The following PDE4D variants were observed in gnomAD, a reference collection of about 807,000 sequenced individuals.
PDE4D encodes phosphodiesterase 4D, also known as 3',5'-cyclic-AMP phosphodiesterase 4D.
In PDE4D, 24 loss-of-function variants were observed where a neutral mutation model predicts 87.4. The ratio of observed to expected loss-of-function variants is 0.27; its 90% confidence interval spans 0.20 to 0.39. The LOEUF is 0.39. PDE4D is among the 10% of genes least tolerant of loss of function. PDE4D has a pLI of 1.00. For missense variants in PDE4D, 714 were observed against 1,041.0 expected (o/e 0.69, Z 4.32); for synonymous variants, 384 against 383.2 (o/e 1.00, Z -0.02).
At chr5:59,412,517 C>T (rs886802073) in intron 1 of PDE4D, among the ~76,000 whole-genome samples, 2 of 152,166 alleles carry the variant, frequency 1.3e-5, no homozygotes, top group South Asian at 2.1e-4. Flanking sequence ...CATGGCACGG[C>T]TCCCAACAAT....
At chr5:59,232,320 A>G (rs1392375252) in intron 1 of PDE4D, among the ~76,000 whole-genome samples, 1 of 152,162 alleles carries the variant, frequency 6.6e-6, no homozygotes, top group East Asian at 1.9e-4. Context: ...AGTTAACAGC[A>G]AAAACAAAAC....
rs538906831 is a variant in PDE4D, at chr5:59,811,340, C to G, written c.455+81828G>C. On this transcript the variant is annotated intron_variant, in intron 1 of 14. Transcript: ENST00000340635. ...CCAAGCTACTTTTCCCACCTCTGTT[C>G]AATTGATTTCGGAAAGAGATGCACA... 6.6e-5 allele frequency among the ~76,000 whole-genome samples: 10 copies of G among 152,308 alleles called. No homozygotes were observed. The South Asian group carries it at 2.1e-3, about 32-fold the overall frequency.
At chr5:59,178,714 C>T (rs1410069667) in intron 5 of PDE4D, among the ~76,000 whole-genome samples, 1 of 152,172 alleles carries the variant, frequency 6.6e-6, no homozygotes, top group Non-Finnish European at 1.5e-5. Flanking sequence ...GAATGCTGCT[C>T]CACCTGTGAG....
intron 2 of PDE4D, among the ~76,000 whole-genome samples, chr5:60,179,265 T>C (rs1055707306): frequency 6.6e-6 from 1 of 152,100 alleles, no homozygotes; most frequent in African/African-American, 2.4e-5. Context: ...TTCTTGGCCT[T>C]GCTGTCATGG....
chr5:59,751,611 G>GTGTGTGTGTGTGT (rs59328183), intron 1 of PDE4D, among the ~76,000 whole-genome samples: 2 of 144,214 alleles, frequency 1.4e-5, no homozygotes, highest in African/African-American at 5.3e-5. Flanking sequence ...GTGTGTGTGT[G>GTGTGTGTGTGTGT]ATGTGAGAGC....
intron 2 of PDE4D, among the ~76,000 whole-genome samples, chr5:59,991,699 A>G (rs1763021925): frequency 6.6e-6 from 1 of 152,148 alleles, no homozygotes; most frequent in African/African-American, 2.4e-5. Context: ...AAAAAACAGA[A>G]AGCATATGCA....
intron 1 of PDE4D, among the ~76,000 whole-genome samples, chr5:59,621,955 T>C (rs1830396698): frequency 6.6e-6 from 1 of 152,226 alleles, no homozygotes; most frequent in African/African-American, 2.4e-5. Context: ...TCAGTATATT[T>C]ATACGTTATA....
intron 3 of PDE4D, among the ~76,000 whole-genome samples, chr5:59,916,610 A>G (rs1033457410): frequency 4.6e-5 from 7 of 152,204 alleles, no homozygotes; most frequent in African/African-American, 1.7e-4. Flanking sequence ...TTTAAAACCT[A>G]CTTAAAACAC....
intron 1 of PDE4D, among the ~76,000 whole-genome samples, chr5:60,243,199 C>T (rs546262298): frequency 6.6e-6 from 1 of 151,914 alleles, no homozygotes; most frequent in Admixed American, 6.6e-5. Context: ...CAACTAAATC[C>T]CAGTAAATTA....
chr5:60,026,623 A>G (rs900259708), intron 2 of PDE4D, among the ~76,000 whole-genome samples: 3 of 152,160 alleles, frequency 2.0e-5, no homozygotes, highest in African/African-American at 4.8e-5. Flanking sequence ...TCTTTTGCTC[A>G]TCACTTTCAA....
rs116231795 is a variant in PDE4D at position 59,579,298 on chromosome 5, C to T, written c.455+313870G>A. ...TCCAAGGCAGGACTCTTATTACATTCATCTGGGCATCCCCTATGAATAAAT... is the reference window on the plus strand; with the variant it reads ...TCCAAGGCAGGACTCTTATTACATTTATCTGGGCATCCCCTATGAATAAAT... On this transcript the variant is annotated intron_variant, in intron 1 of 14. Transcript: ENST00000340635. 3.7e-3 allele frequency among the ~76,000 whole-genome samples: 563 copies of T among 152,286 alleles called. 7 individuals carry two copies. The highest frequency in any genetic ancestry group is 0.013 in the African/African-American group (537 of 41,558).
At chr5:60,315,497 C>A (rs1755482947) in intron 1 of PDE4D, among the ~76,000 whole-genome samples, 1 of 152,086 alleles carries the variant, frequency 6.6e-6, no homozygotes, top group South Asian at 2.1e-4. Flanking sequence ...TTAACTAGAT[C>A]CCATTTGTCA....
intron 1 of PDE4D, among the ~76,000 whole-genome samples, chr5:59,616,932 T>TATTATGTAATATATATATATATGTA (rs2150092445): frequency 7.7e-6 from 1 of 129,278 alleles, no homozygotes; most frequent in Admixed American, 7.7e-5. Context: ...TATATATATA[T>TATTATGTAATATATATATATATGTA]ATATATATAT....
chr5:59,196,683 T>C (rs1367894563), intron 2 of PDE4D, among the ~76,000 whole-genome samples: 1 of 152,152 alleles, frequency 6.6e-6, no homozygotes, highest in Non-Finnish European at 1.5e-5. Flanking sequence ...AAGCCAAACA[T>C]TCTTGGGAGT....
In PDE4D at chr5:60,196,830, T is replaced by C. The variant is rs574216534; in HGVS notation, c.-89-11143A>G. On this transcript the variant is annotated intron_variant, in intron 1 of 16. Transcript: ENST00000502484. ...TTTTTTGTCCCATATTAAAGTAAAA[T>C]CTGCTGTCTGAATACTTGTAAATTT... is the stretch of plus-strand genomic sequence containing the variant. Among the ~76,000 whole-genome samples the C allele has an allele frequency of 1.1e-4, 17 of 151,516 alleles. 1 individual carries two copies. The highest frequency in any genetic ancestry group is 2.4e-4 in the Non-Finnish European group (16 of 67,754).
chr5:60,043,731 T>C (rs1290161033), intron 2 of PDE4D, among the ~76,000 whole-genome samples: 1 of 152,152 alleles, frequency 6.6e-6, no homozygotes, highest in Non-Finnish European at 1.5e-5. Context: ...TGAAAGCTCT[T>C]CTTTTCTTTA....
intron 1 of PDE4D, among the ~76,000 whole-genome samples, chr5:60,200,960 C>T: frequency 6.6e-6 from 1 of 152,054 alleles, no homozygotes; most frequent in South Asian, 2.1e-4. Context: ...TAAAACGGGA[C>T]CAAAAGTCAT....
At chr5:60,507,086 A>AT (rs902063922) in intron 1 of PDE4D, among the ~76,000 whole-genome samples, 79 of 146,614 alleles carry the variant, frequency 5.4e-4, no homozygotes, top group South Asian at 8.6e-4. Context: ...ATATTAAGTG[A>AT]TTTTTTTTTT....
chr5:59,090,324 G>A (rs1396597033), intron 5 of PDE4D, among the ~76,000 whole-genome samples: 4 of 152,104 alleles, frequency 2.6e-5, no homozygotes, highest in African/African-American at 7.2e-5. Context: ...TAGTCCATAG[G>A]CATTAGTGTA....
Sources: allele counts gnomAD v4.1 joint callset (sites outside exome capture counted in the v4.1 genomes callset), GRCh38; gene constraint gnomAD v4.1.1; transcripts MANE v1.5; gene names NCBI Gene and HGNC (gene_info 2026-07-23, HGNC 2026-07-21).